Variants in CADM2 observed in about 807,000 individuals in gnomAD.
CADM2 encodes the protein cell adhesion molecule 2, also known as immunoglobulin superfamily member 4D.
A neutral mutation model predicts 49.8 loss-of-function variants in CADM2; 12 were observed. The ratio of observed to expected loss-of-function variants is 0.24; its 90% CI spans 0.15 to 0.39. CADM2 has a LOEUF of 0.39. Among genes scored for constraint, CADM2 ranks in the 10% least tolerant of loss-of-function variants. The pLI, the probability that CADM2 is intolerant of heterozygous loss-of-function variation, is 1.00. For missense variants in CADM2, 378 were observed against 492.3 expected (o/e 0.77, Z 2.20); for synonymous variants, 214 against 175.4 (o/e 1.22, Z -1.74).
At chr3:85,449,259 G>A (rs2037637211) in intron 1 of CADM2, among the ~76,000 whole-genome samples, 1 of 151,322 alleles carries the variant, frequency 6.6e-6, no homozygotes, top group Admixed American at 6.6e-5. Flanking sequence ...AGAATTTCAT[G>A]GAATATAAAA....
At chr3:85,689,241 C>A (rs530003143) in intron 1 of CADM2, among the ~76,000 whole-genome samples, 1 of 152,172 alleles carries the variant, frequency 6.6e-6, no homozygotes, top group East Asian at 1.9e-4. Flanking sequence ...ATCACGGGAA[C>A]CTGTGGATGG....
chr3:85,228,812 T>A lies in CADM2; in HGVS notation c.61+269144T>A, dbSNP rs566537572. ...TCTACACAGGGGTCAGGGACCCACT[T>A]GAGGAGGCAGTCTGTCCATTTTCAT... is the stretch of plus-strand genomic sequence containing the variant. On this transcript the variant is annotated intron_variant, in intron 1 of 9. Transcript: ENST00000383699. 1.4e-4 allele frequency among the ~76,000 whole-genome samples: 22 copies of A among 152,200 alleles called. 1 individual carries two copies. In the East Asian group the frequency reaches 4.1e-3, roughly 28 times the overall value.
intron 1 of CADM2, among the ~76,000 whole-genome samples, chr3:85,484,061 C>T (rs1309150095): frequency 2.0e-5 from 3 of 151,774 alleles, no homozygotes; most frequent in Non-Finnish European, 4.4e-5. Flanking sequence ...ATTTCCTCTT[C>T]AATTTTCTAA....
At chr3:85,477,778 T>C (rs2039040386) in intron 1 of CADM2, among the ~76,000 whole-genome samples, 1 of 151,898 alleles carries the variant, frequency 6.6e-6, no homozygotes. Flanking sequence ...CTCTGGTCTA[T>C]GTACAACCAA....
intron 1 of CADM2, among the ~76,000 whole-genome samples, chr3:85,137,924 A>C (rs1184668677): frequency 6.6e-6 from 1 of 152,158 alleles, no homozygotes; most frequent in Non-Finnish European, 1.5e-5. Flanking sequence ...AGAATTATTA[A>C]TATCCTTAAT....
intron 1 of CADM2, among the ~76,000 whole-genome samples, chr3:85,611,760 C>T (rs1459128375): frequency 6.7e-6 from 1 of 150,374 alleles, no homozygotes; most frequent in African/African-American, 2.5e-5. Context: ...CGTTGAAGCA[C>T]ACACAATTTG....
At chr3:85,768,071 A>T (rs2069755842) in intron 2 of CADM2, among the ~76,000 whole-genome samples, 1 of 152,148 alleles carries the variant, frequency 6.6e-6, no homozygotes, top group Admixed American at 6.6e-5. Flanking sequence ...TTCAATGGTA[A>T]TTATTTGATG....
At chr3:86,049,100 C>T (rs1286927668) in intron 8 of CADM2, among the ~76,000 whole-genome samples, 1 of 151,820 alleles carries the variant, frequency 6.6e-6, no homozygotes, top group African/African-American at 2.4e-5. Flanking sequence ...AAATGTCTTC[C>T]ATATGCAAAG....
chr3:85,245,198 C>A (rs2042618172), intron 1 of CADM2, among the ~76,000 whole-genome samples: 1 of 152,074 alleles, frequency 6.6e-6, no homozygotes, highest in African/African-American at 2.4e-5. Flanking sequence ...CAAGAACATG[C>A]AATAAATCTG....
At chr3:84,961,672 G>A (rs1230697615) in intron 1 of CADM2, among the ~76,000 whole-genome samples, 3 of 152,122 alleles carry the variant, frequency 2.0e-5, no homozygotes, top group African/African-American at 2.4e-5. Flanking sequence ...CGTGTTGGGG[G>A]AGTGTGATGT....
intron 1 of CADM2, among the ~76,000 whole-genome samples, chr3:85,133,133 C>T (rs1453870608): frequency 6.6e-6 from 1 of 152,156 alleles, no homozygotes; most frequent in Non-Finnish European, 1.5e-5. Context: ...CAGACTTTCT[C>T]AGTGAGTGTT....
intron 1 of CADM2, among the ~76,000 whole-genome samples, chr3:85,047,448 G>A (rs1382335506): frequency 6.6e-6 from 1 of 151,940 alleles, no homozygotes; most frequent in East Asian, 1.9e-4. Flanking sequence ...TCCAATAATG[G>A]GAACTTCTCA....
At chr3:85,425,264 A>G (rs1447404861) in intron 1 of CADM2, among the ~76,000 whole-genome samples, 3 of 152,212 alleles carry the variant, frequency 2.0e-5, no homozygotes, top group Non-Finnish European at 4.4e-5. Flanking sequence ...AGACTTAATG[A>G]TTCTCTCTTG....
intron 1 of CADM2, among the ~76,000 whole-genome samples, chr3:85,522,234 G>A (rs1301496764): frequency 1.3e-5 from 2 of 151,860 alleles, no homozygotes; most frequent in Admixed American, 6.6e-5. Flanking sequence ...CATTCACCTT[G>A]CCCAATTATA....
intron 8 of CADM2, among the ~76,000 whole-genome samples, chr3:86,020,103 G>GA (rs1274714496): frequency 1.3e-5 from 2 of 151,584 alleles, no homozygotes; most frequent in Non-Finnish European, 2.9e-5. Flanking sequence ...GACTAATAAA[G>GA]AAAAAAAGAG....
In CADM2 at chr3:85,961,451, C is replaced by T; in HGVS notation, c.792-18C>T. ...ATTTCTTATTTTTGCTATCTACATG[C>T]ATGTTTCAATCCAATAGGCCAGAAC... is the stretch of plus-strand genomic sequence containing the variant. On this transcript the variant is annotated intron_variant, in intron 7 of 9. Coordinates refer to ENST00000383699, the MANE Select transcript of CADM2 (RefSeq NM_001167675.2). The T allele has an allele frequency of 1.9e-6, 3 of 1,550,966 alleles. No individual in the cohort carries two copies. The South Asian group carries it at 3.6e-5, about 19-fold the overall frequency.
At chr3:85,057,708 A>G (rs1219752006) in intron 1 of CADM2, among the ~76,000 whole-genome samples, 3 of 152,186 alleles carry the variant, frequency 2.0e-5, no homozygotes, top group African/African-American at 4.8e-5. Context: ...CAATCTAATC[A>G]AAAACAAACT....
chr3:85,079,835 T>A (rs549027371), intron 1 of CADM2, among the ~76,000 whole-genome samples: 1 of 152,092 alleles, frequency 6.6e-6, no homozygotes, highest in South Asian at 2.1e-4. Context: ...AATACCCCTT[T>A]AGATAATGCA....
At chr3:85,554,760 A>G (rs567341413) in intron 1 of CADM2, among the ~76,000 whole-genome samples, 2 of 152,240 alleles carry the variant, frequency 1.3e-5, no homozygotes, top group Middle Eastern at 3.4e-3. Context: ...CAGTAGCGTG[A>G]TCAGCTCACT....
Sources: gnomAD v4.1 joint callset for allele counts (sites outside exome capture counted in the v4.1 genomes callset) on GRCh38, gnomAD v4.1.1 for gene constraint, MANE v1.5 for transcripts, NCBI Gene and HGNC (gene_info 2026-07-23, HGNC 2026-07-21) for gene names.